Variants in SLC25A18 observed in about 807,000 individuals in gnomAD.
SLC25A18 encodes the protein solute carrier family 25 member 18.
In SLC25A18, 24 loss-of-function variants were observed where a neutral mutation model predicts 31.1. The observed-to-expected ratio is 0.77, with a 90% CI of 0.56 to 1.08. SLC25A18 has a LOEUF of 1.08. SLC25A18 is among the 50% of genes least tolerant of loss of function. SLC25A18 has a pLI of 0.00. For missense variants in SLC25A18, 371 were observed against 418.5 expected, an observed-to-expected ratio of 0.89 and a Z score of 0.99; for synonymous variants, 173 against 161.9, an observed-to-expected ratio of 1.07 and a Z score of -0.52.
In SLC25A18 at chr22:17,584,473, A is replaced by G. The variant is rs433662; in HGVS notation, c.409+939A>G. The stretch of plus-strand genomic sequence containing the variant: ...AGAGAGAGAGAGAGAGAGAGAGAGA[A>G]AGAAAGAAAGAAAGAAAGAAATGCC... On this transcript the variant is annotated intron_variant, in intron 7 of 10. Transcript: ENST00000327451. Among the ~76,000 whole-genome samples the G allele has an allele frequency of 8.7e-3, 1,000 of 115,002 alleles. 7 individuals are homozygous for G. Among genetic ancestry groups the G allele is most frequent in the African/African-American group, 0.012 (287 of 24,350 alleles). 75.4% of individuals were successfully genotyped at this position (115,002 alleles called of 152,430 possible). A position where few individuals can be genotyped will look rare whatever the true frequency, so the allele number is the denominator to read the frequency against.
chr22:17,563,827 G>C, intron 1 of SLC25A18, 114 bp downstream of exon 1: 3 of 518,092 alleles, frequency 5.8e-6, no homozygotes, highest in Non-Finnish European at 7.5e-6. Context: ...CCTGTATTGT[G>C]AATACAGAAT....
intron 4 of SLC25A18, 87 bp from the exon 5 acceptor site, chr22:17,581,271 C>A: frequency 1.9e-6 from 3 of 1,593,348 alleles, no homozygotes; most frequent in South Asian, 2.3e-5. Flanking sequence ...GGGATCTGAT[C>A]AGCTGGGATG....
intron 2 of SLC25A18, among the ~76,000 whole-genome samples, chr22:17,573,943 C>T (rs559032662): frequency 2.6e-5 from 4 of 152,346 alleles, no homozygotes; most frequent in Non-Finnish European, 4.4e-5. Flanking sequence ...TATTTTCCCC[C>T]TTAAAAGCAT....
chr22:17,565,236 A>G (rs2146197756), intron 1 of SLC25A18, among the ~76,000 whole-genome samples: 1 of 152,020 alleles, frequency 6.6e-6, no homozygotes, highest in South Asian at 2.1e-4. Flanking sequence ...GCCTGCCACT[A>G]TACCCAGCTA....
intron 5 of SLC25A18, chr22:17,581,784 C>T: frequency 4.5e-6 from 1 of 221,762 alleles, no homozygotes. Flanking sequence ...TGCTGCGGTC[C>T]CTGCGGGGTC....
At chr22:17,573,254 G>C (rs2057145317) in intron 2 of SLC25A18, among the ~76,000 whole-genome samples, 2 of 152,150 alleles carry the variant, frequency 1.3e-5, no homozygotes, top group Non-Finnish European at 2.9e-5. Context: ...GACAGGGTGG[G>C]CCACAGGTTA....
chr22:17,575,423 G>A (rs547458401), intron 2 of SLC25A18, among the ~76,000 whole-genome samples: 1 of 152,300 alleles, frequency 6.6e-6, no homozygotes, highest in South Asian at 2.1e-4. Context: ...TAATAAGGCA[G>A]AAGTCTCTCC....
chr22:17,584,282 A>G (rs980625061), intron 7 of SLC25A18, among the ~76,000 whole-genome samples: 1 of 151,648 alleles, frequency 6.6e-6, no homozygotes, highest in Non-Finnish European at 1.5e-5. Flanking sequence ...AGTCTCAGCT[A>G]TCCGGGAGGC....
rs773404350 is a variant in SLC25A18, at chr22:17,590,096, A to G, written c.808A>G (p.Lys270Glu). 5 of 1,613,918 alleles carry G rather than the reference A, an allele frequency of 3.1e-6. No homozygotes were observed. The highest frequency in any genetic ancestry group is 4.2e-6 in the Non-Finnish European group (5 of 1,180,046). The change falls in exon 11 of 11, where the codon AAA becomes GAA. Residue 270 changes from lysine (K) to glutamate (E), a missense_variant and splice_region_variant. Physicochemically the swap from Lys to Glu is moderately conservative, Grantham distance 56 (BLOSUM62 1). Transcript: ENST00000327451. Reference protein sequence around the residue: ...MYSGITDCARKLWIQEGPSAF... With the variant: ...MYSGITDCARELWIQEGPSAF... ...TCACTGGCTCTTCTTTCTCCCCAGG[A>G]AACTCTGGATTCAGGAGGGACCATC... is the stretch of plus-strand genomic sequence containing the variant.
chr22:17,574,905 G>T (rs948030109), intron 2 of SLC25A18, among the ~76,000 whole-genome samples: 7 of 150,486 alleles, frequency 4.7e-5, no homozygotes, highest in Non-Finnish European at 8.8e-5. Flanking sequence ...AGGCTAGAGT[G>T]CAGTGGTGCG....
chr22:17,569,891 C>A, intron 1 of SLC25A18, 33 bp from the exon 2 acceptor site: 1 of 985,488 alleles, frequency 1.0e-6, no homozygotes, highest in Non-Finnish European at 1.2e-6. Context: ...CCAGTCCAAG[C>A]TGGCTGACAC....
intron 5 of SLC25A18, chr22:17,581,714 A>T: frequency 2.6e-6 from 1 of 385,386 alleles, no homozygotes; most frequent in East Asian, 4.6e-5. Flanking sequence ...GGACTGAGGG[A>T]CGGGGCCTGA....
chr22:17,587,124 TTTC>T lies in SLC25A18; in HGVS notation c.410-11_410-9del, dbSNP rs2057572561. The T allele has an allele frequency of 6.2e-7, 1 of 1,612,960 alleles. No homozygotes were observed. The highest frequency in any genetic ancestry group is 1.3e-5 in the African/African-American group (1 of 74,934). On this transcript the variant is annotated splice_polypyrimidine_tract_variant and intron_variant, in intron 7 of 10. Transcript: ENST00000327451. ...GGGGACCAGGTACTGATGTCTGTCC[TTTC>T]CCTTCCAGCCGTCCATCATCAGGGC... is the stretch of plus-strand genomic sequence containing the variant.
At chr22:17,587,035 C>A in intron 7 of SLC25A18, 101 bp from the exon 8 acceptor site, 1 of 1,347,172 alleles carries the variant, frequency 7.4e-7, no homozygotes, top group Non-Finnish European at 1.0e-6. Flanking sequence ...GTCAGCCTGG[C>A]CTCTGAACTG....
At position 17,569,846 on chromosome 22, in the gene SLC25A18, G is replaced by GGCAGAGGGAGGGAAACTGACC. The variant is rs564126583; in HGVS notation, c.-263-77_-263-57dup. On this transcript the variant is annotated intron_variant, in intron 1 of 10. Transcript: ENST00000327451. The stretch of plus-strand genomic sequence containing the variant: ...AACCCTGCAGTGGTGATGAGGGGGA[G>GGCAGAGGGAGGGAAACTGACC]GCAGAGGGAGGGAAACTGACCACAG... 91 of 985,530 alleles carry GGCAGAGGGAGGGAAACTGACC rather than the reference G, an allele frequency of 9.2e-5. No homozygotes were observed. In the East Asian group the frequency reaches 1.0e-2, roughly 108 times the overall value. 61.0% of individuals were successfully genotyped at this position (985,530 alleles called of 1,614,324 possible).
At chr22:17,580,789 T>C in intron 3 of SLC25A18, 1 of 1,263,944 alleles carries the variant, frequency 7.9e-7, no homozygotes. Context: ...AGAGCTGGGC[T>C]CCTCCCAGAA....
In SLC25A18 at chr22:17,590,130, T is replaced by A. The variant is rs757161140; in HGVS notation, c.842T>A (p.Met281Lys). 2 of 1,614,252 alleles carry A rather than the reference T, an allele frequency of 1.2e-6. No homozygotes were observed. Among genetic ancestry groups the A allele is most frequent in the South Asian group, 2.2e-5 (2 of 91,084 alleles). ...ATTCAGGAGGGACCATCTGCCTTCATGAAAGGCGCTGGCTGCCGGGCACTG... is the reference window on the plus strand; with the variant it reads ...ATTCAGGAGGGACCATCTGCCTTCAAGAAAGGCGCTGGCTGCCGGGCACTG... ...LWIQEGPSAF[M>K]KGAGCRALVI... Residue 281 changes from methionine to lysine, a missense_variant, in exon 11 of 11, where the codon ATG (methionine) becomes AAG (lysine). By Grantham distance (95) the Met-to-Lys change is moderately conservative. Transcript: ENST00000327451.
chr22:17,568,139 C>T (rs559464318), intron 1 of SLC25A18, among the ~76,000 whole-genome samples: 87 of 151,740 alleles, frequency 5.7e-4, no homozygotes, highest in African/African-American at 2.0e-3. Flanking sequence ...CTGAGGCGGG[C>T]GGATCACGAG....
intron 7 of SLC25A18, 64 bp from the exon 8 acceptor site, chr22:17,587,072 A>G: frequency 1.3e-6 from 2 of 1,570,490 alleles, no homozygotes; most frequent in Non-Finnish European, 1.7e-6. Flanking sequence ...TGAGAGCCAC[A>G]CTCAGGAGTG....
Sources: gnomAD v4.1 joint callset for allele counts (sites outside exome capture counted in the v4.1 genomes callset) on GRCh38, gnomAD v4.1.1 for gene constraint, MANE v1.5 for transcripts, NCBI Gene and HGNC (gene_info 2026-07-23, HGNC 2026-07-21) for gene names.